Variants in MACROD2 observed in about 807,000 individuals in gnomAD.
MACROD2 encodes the protein mono-ADP ribosylhydrolase 2.
In MACROD2, 36 loss-of-function variants were observed where a neutral mutation model predicts 70.4. The observed-to-expected ratio is 0.51, with a 90% confidence interval of 0.39 to 0.68. The LOEUF (loss-of-function observed/expected upper bound fraction) is 0.68, where lower values mean the gene tolerates loss of function less well. Among genes scored for constraint, MACROD2 ranks in the 30% least tolerant of loss-of-function variants. MACROD2 has a pLI of 0.00. For missense variants in MACROD2, 496 were observed against 538.4 expected, an observed-to-expected ratio of 0.92 and a Z score of 0.78; for synonymous variants, 172 against 178.8, an observed-to-expected ratio of 0.96 and a Z score of 0.30.
intron 8 of MACROD2, among the ~76,000 whole-genome samples, chr20:15,705,026 T>A (rs1386723532): frequency 1.3e-5 from 2 of 152,238 alleles, no homozygotes; most frequent in African/African-American, 4.8e-5. Flanking sequence ...ACTCTGCTGC[T>A]AATTCTCACG....
intron 3 of MACROD2, among the ~76,000 whole-genome samples, chr20:14,366,809 CA>C (rs2083277392): frequency 6.6e-6 from 1 of 152,094 alleles, no homozygotes; most frequent in Non-Finnish European, 1.5e-5. Flanking sequence ...AGTCTCTTAT[CA>C]CAGCATGTAG....
intron 10 of MACROD2, among the ~76,000 whole-genome samples, chr20:15,915,346 T>A (rs1020510774): frequency 6.6e-6 from 1 of 151,928 alleles, no homozygotes; most frequent in African/African-American, 2.4e-5. Flanking sequence ...CGATTACAAG[T>A]GACTTATGAA....
intron 5 of MACROD2, among the ~76,000 whole-genome samples, chr20:14,854,249 C>T (rs2073229810): frequency 6.6e-6 from 1 of 152,126 alleles, no homozygotes. Context: ...ACAGCCTGTT[C>T]CATCGTTAGA....
At chr20:14,168,318 G>A (rs1476402854) in intron 3 of MACROD2, among the ~76,000 whole-genome samples, 2 of 152,168 alleles carry the variant, frequency 1.3e-5, no homozygotes, top group Non-Finnish European at 2.9e-5. Context: ...CTTCTAAGTT[G>A]TTGCAGCATT....
intron 3 of MACROD2, among the ~76,000 whole-genome samples, chr20:14,451,967 C>G (rs1440651024): frequency 1.3e-5 from 2 of 152,156 alleles, no homozygotes; most frequent in South Asian, 2.1e-4. Context: ...GAGGGGATCT[C>G]CAATAGCACA....
intron 5 of MACROD2, among the ~76,000 whole-genome samples, chr20:15,102,009 A>G (rs995832828): frequency 1.3e-5 from 2 of 152,032 alleles, no homozygotes; most frequent in African/African-American, 4.8e-5. Flanking sequence ...AACATGCACA[A>G]AATGCTCAAA....
chr20:15,415,933 T>A (rs2046141938), intron 6 of MACROD2, among the ~76,000 whole-genome samples: 2 of 152,168 alleles, frequency 1.3e-5, no homozygotes, highest in African/African-American at 2.4e-5. Context: ...AATCTTCTCA[T>A]CTTTATGGTT....
At chr20:14,368,497 C>T (rs542868852) in intron 3 of MACROD2, among the ~76,000 whole-genome samples, 29 of 151,742 alleles carry the variant, frequency 1.9e-4, no homozygotes, top group African/African-American at 5.6e-4. Flanking sequence ...GAGCCGAGAT[C>T]GCACCACTGC....
chr20:15,900,363 A>G (rs536937596), intron 10 of MACROD2, among the ~76,000 whole-genome samples: 64 of 152,314 alleles, frequency 4.2e-4, no homozygotes, highest in African/African-American at 1.5e-3. Flanking sequence ...ATCAGAATAC[A>G]ATAAATGCCT....
intron 5 of MACROD2, among the ~76,000 whole-genome samples, chr20:14,843,038 G>C (rs1400585997): frequency 6.6e-6 from 1 of 151,860 alleles, no homozygotes; most frequent in Admixed American, 6.6e-5. Flanking sequence ...TCACACCCTG[G>C]CTGTCAATGT....
At chr20:14,099,372 C>T (rs947969491) in intron 3 of MACROD2, among the ~76,000 whole-genome samples, 1 of 151,774 alleles carries the variant, frequency 6.6e-6, no homozygotes, top group Non-Finnish European at 1.5e-5. Context: ...ACTATCTTGA[C>T]TTCTAGTAAC....
chr20:15,318,044 A>T (rs1170383273), intron 6 of MACROD2, among the ~76,000 whole-genome samples: 1 of 152,160 alleles, frequency 6.6e-6, no homozygotes, highest in Non-Finnish European at 1.5e-5. Context: ...CGAAGAAAAA[A>T]ACAGAAGTTG....
At chr20:14,604,314 C>T (rs2123412157) in intron 4 of MACROD2, among the ~76,000 whole-genome samples, 1 of 152,332 alleles carries the variant, frequency 6.6e-6, no homozygotes, top group East Asian at 1.9e-4. Context: ...TTCCAACTGT[C>T]ACACAGTGTT....
At chr20:15,519,064 T>TTCCTTCCC (rs1438169380) in intron 8 of MACROD2, among the ~76,000 whole-genome samples, 3 of 73,526 alleles carry the variant, frequency 4.1e-5, no homozygotes, top group African/African-American at 2.9e-4. Context: ...CTTTCCTTCC[T>TTCCTTCCC]TCCTTCCTTC....
chr20:14,014,633 T>A (rs1434034099), intron 2 of MACROD2, among the ~76,000 whole-genome samples: 1 of 147,164 alleles, frequency 6.8e-6, no homozygotes, highest in East Asian at 2.0e-4. Context: ...TCTCCAGAGT[T>A]AATTCACTTG....
chr20:14,414,987 G>A (rs375699424), intron 3 of MACROD2, among the ~76,000 whole-genome samples: 1 of 150,330 alleles, frequency 6.7e-6, no homozygotes, highest in Admixed American at 6.6e-5. Context: ...ACATATAAAT[G>A]TATATGTATT....
intron 6 of MACROD2, among the ~76,000 whole-genome samples, chr20:15,274,499 C>T (rs76074834): frequency 0.041 from 6,292 of 152,320 alleles, 178 homozygotes; most frequent in South Asian, 0.1. Flanking sequence ...CACCTCACAT[C>T]TATTTCATCC....
chr20:14,727,832 G>T (rs1225502905), intron 5 of MACROD2, among the ~76,000 whole-genome samples: 3 of 152,092 alleles, frequency 2.0e-5, no homozygotes, highest in African/African-American at 7.2e-5. Context: ...CCATATGGAA[G>T]AATTTTCCAG....
chr20:14,258,697 C>T (rs1021080077), intron 3 of MACROD2, among the ~76,000 whole-genome samples: 15 of 152,064 alleles, frequency 9.9e-5, no homozygotes, highest in Non-Finnish European at 1.9e-4. Flanking sequence ...TTTTGCTGTG[C>T]AGAAGCTTTT....
Sources: gnomAD v4.1 joint callset for allele counts (sites outside exome capture counted in the v4.1 genomes callset) on GRCh38, gnomAD v4.1.1 for gene constraint, MANE v1.5 for transcripts, NCBI Gene and HGNC (gene_info 2026-07-23, HGNC 2026-07-21) for gene names.